IL1RAPL1: variants seen among roughly 807,000 people sequenced by gnomAD.
IL1RAPL1 encodes the protein interleukin 1 receptor accessory protein like 1, also known as interleukin-1 receptor accessory protein-like 1.
In IL1RAPL1, 3 loss-of-function variants were observed where a neutral mutation model predicts 48.4. The ratio of observed to expected loss-of-function variants is 0.06; its 90% confidence interval spans 0.03 to 0.16. The LOEUF is 0.16. IL1RAPL1 is among the 10% of genes least tolerant of loss of function. IL1RAPL1 has a pLI of 1.00. For synonymous variants in IL1RAPL1, 185 were observed against 187.7 expected, an observed-to-expected ratio of 0.99 and a Z score of 0.12; for missense variants, 349 against 530.6, an observed-to-expected ratio of 0.66 and a Z score of 3.36.
rs182536980 is a variant in IL1RAPL1, at chrX:29,452,075, T to G, written c.703+52767T>G. ...AAACGTCAAGTAAGTAAATATAACC[T>G]GGGAGTTCTGAAATAAAGATAACAA... On this transcript the variant is annotated intron_variant, in intron 5 of 10. Transcript: ENST00000378993. Among the ~76,000 whole-genome samples the G allele has an allele frequency of 3.0e-4, 34 of 111,844 alleles. No individual in the cohort carries two copies. The East Asian group carries it at 7.8e-3, about 26-fold the overall frequency.
At chrX:29,282,719 A>G (rs1283397944) in intron 2 of IL1RAPL1, among the ~76,000 whole-genome samples, 1 of 112,274 alleles carries the variant, frequency 8.9e-6, no homozygotes, top group African/African-American at 3.2e-5. Context: ...TAACAGCAGA[A>G]GCAGACTCAG....
chrX:28,976,890 T>C (rs933400402), intron 2 of IL1RAPL1, among the ~76,000 whole-genome samples: 11 of 112,373 alleles, frequency 9.8e-5, no homozygotes, highest in Non-Finnish European at 1.5e-4. Flanking sequence ...TTAGGCTTCA[T>C]AGGCCAAAAG....
rs1365553503 is a variant in IL1RAPL1 at position 29,846,140 on chromosome X, CTTTCCGTGCAACACTG to C, written c.779-71319_779-71304del. Among the ~76,000 whole-genome samples the C allele has an allele frequency of 3.6e-5, 4 of 111,461 alleles. No homozygotes were observed. The Admixed American group carries it at 3.8e-4, about 11-fold the overall frequency. ...CATATATAAAATCTGTTAGGTTTGGCTTTCCGTGCAACACTGTTTCATGTGTTATTAGTATCGCTGT... is the reference window on the plus strand; with the variant it reads ...CATATATAAAATCTGTTAGGTTTGGCTTTCATGTGTTATTAGTATCGCTGT... On this transcript the variant is annotated intron_variant, in intron 6 of 10. Transcript: ENST00000378993.
chrX:29,532,593 C>G, intron 5 of IL1RAPL1, among the ~76,000 whole-genome samples: 1 of 111,505 alleles, frequency 9.0e-6, no homozygotes, highest in African/African-American at 3.3e-5. Flanking sequence ...TGAGTGGAAC[C>G]TTTCTTGAAA....
intron 1 of IL1RAPL1, among the ~76,000 whole-genome samples, chrX:28,593,738 A>T (rs1933926676): frequency 9.0e-6 from 1 of 111,643 alleles, no homozygotes; most frequent in African/African-American, 3.2e-5. Flanking sequence ...ATAATAAATC[A>T]GCATATGGAT....
chrX:28,980,286 G>T (rs185842755), intron 2 of IL1RAPL1, among the ~76,000 whole-genome samples: 3 of 112,185 alleles, frequency 2.7e-5, no homozygotes, highest in Non-Finnish European at 3.8e-5. Flanking sequence ...CAAATTGATG[G>T]TTTTTTCCAG....
intron 2 of IL1RAPL1, among the ~76,000 whole-genome samples, chrX:28,912,930 T>TTTGTGATTA (rs1395144794): frequency 9.0e-6 from 1 of 111,624 alleles, no homozygotes; most frequent in Non-Finnish European, 1.9e-5. Context: ...TTAAAAAGGT[T>TTTGTGATTA]TTGTGATTAT....
intron 2 of IL1RAPL1, among the ~76,000 whole-genome samples, chrX:28,960,553 A>G (rs1203331065): frequency 8.9e-6 from 1 of 112,000 alleles, no homozygotes; most frequent in Non-Finnish European, 1.9e-5. Context: ...AAGGACAAGT[A>G]CATGCCAAGT....
intron 2 of IL1RAPL1, among the ~76,000 whole-genome samples, chrX:29,025,495 G>C (rs984538542): frequency 1.8e-5 from 2 of 111,159 alleles, no homozygotes; most frequent in African/African-American, 3.3e-5. Context: ...GGCCTTTAGT[G>C]GTTCTTCTGT....
At position 28,828,380 on chromosome X, in the gene IL1RAPL1, T is replaced by C. The variant is rs531862711; in HGVS notation, c.82+38955T>C. 1.9e-4 allele frequency among the ~76,000 whole-genome samples: 21 copies of C among 112,137 alleles called. No individual in the cohort carries two copies. In the South Asian group the frequency reaches 6.2e-3, roughly 33 times the overall value. ...TATAAAAGGCTCCTTTCCATGTGCT[T>C]ATTGCCATTTGTATATTTTCTTTGG... On this transcript the variant is annotated intron_variant, in intron 2 of 10. Transcript: ENST00000378993.
At chrX:29,581,019 A>C (rs1922945268) in intron 5 of IL1RAPL1, among the ~76,000 whole-genome samples, 1 of 112,056 alleles carries the variant, frequency 8.9e-6, no homozygotes, top group African/African-American at 3.2e-5. Context: ...AAAATAGGTT[A>C]AATGAGATGG....
At chrX:29,663,934 A>T (rs1925919191) in intron 5 of IL1RAPL1, among the ~76,000 whole-genome samples, 1 of 112,466 alleles carries the variant, frequency 8.9e-6, no homozygotes, top group African/African-American at 3.2e-5. Flanking sequence ...TTAAATCCTC[A>T]CGACAATTCA....
chrX:29,851,496 T>C (rs904131745), intron 6 of IL1RAPL1, among the ~76,000 whole-genome samples: 1 of 112,257 alleles, frequency 8.9e-6, no homozygotes, highest in Admixed American at 9.4e-5. Flanking sequence ...AGAATTTCTA[T>C]AGGGGATTTC....
At chrX:29,356,798 G>A (rs181407444) in intron 3 of IL1RAPL1, among the ~76,000 whole-genome samples, 8 of 111,363 alleles carry the variant, frequency 7.2e-5, no homozygotes, top group East Asian at 2.8e-4. Flanking sequence ...TGGAATGGCC[G>A]TGTTATAGGT....
At position 29,923,222 on chromosome X, in the gene IL1RAPL1, G is replaced by A. The variant is rs140898166; in HGVS notation, c.1057+3128G>A. Among the ~76,000 whole-genome samples, 22 of 112,101 alleles carry A rather than the reference G, an allele frequency of 2.0e-4. No individual in the cohort carries two copies. In the East Asian group the frequency reaches 5.0e-3, roughly 26 times the overall value. On this transcript the variant is annotated intron_variant, in intron 8 of 10. Coordinates refer to ENST00000378993, the MANE Select transcript of IL1RAPL1 (RefSeq NM_014271.4). ...TGTTCTGGGTCAGCCTTTTATCTGC[G>A]TAAAAGAATCATAATTCCATGAAAG...
At chrX:29,448,431 T>C (rs1298299303) in intron 5 of IL1RAPL1, among the ~76,000 whole-genome samples, 1 of 112,129 alleles carries the variant, frequency 8.9e-6, no homozygotes, top group Non-Finnish European at 1.9e-5. Context: ...GTTTTATCAC[T>C]TGTCAACATT....
chrX:29,347,006 T>C (rs1933158842), intron 3 of IL1RAPL1, among the ~76,000 whole-genome samples: 1 of 111,846 alleles, frequency 8.9e-6, no homozygotes, highest in Non-Finnish European at 1.9e-5. Context: ...ATAACAGTCC[T>C]TGTGCTCAAG....
At chrX:28,767,803 G>T (rs948364573) in intron 1 of IL1RAPL1, among the ~76,000 whole-genome samples, 3 of 110,577 alleles carry the variant, frequency 2.7e-5, no homozygotes, top group Non-Finnish European at 5.7e-5. Flanking sequence ...AATAACCTGT[G>T]AAATTCTTTA....
At chrX:29,875,738 C>T (rs533561142) in intron 6 of IL1RAPL1, among the ~76,000 whole-genome samples, 2 of 111,678 alleles carry the variant, frequency 1.8e-5, no homozygotes, top group African/African-American at 6.5e-5. Context: ...TGTATTATCC[C>T]GGGAAAAAGG....
Sources: allele counts gnomAD v4.1 joint callset (sites outside exome capture counted in the v4.1 genomes callset), GRCh38; gene constraint gnomAD v4.1.1; transcripts MANE v1.5; gene names NCBI Gene and HGNC (gene_info 2026-07-23, HGNC 2026-07-21).